DDX60L: variants seen among roughly 807,000 people sequenced by gnomAD.
DDX60L encodes the protein DExD/H-box 60 like.
A neutral mutation model predicts 211.6 loss-of-function variants in DDX60L; 191 were observed. The ratio of observed to expected loss-of-function variants is 0.90; its 90% CI spans 0.80 to 1.02. The LOEUF (loss-of-function observed/expected upper bound fraction) is 1.02. Among genes scored for constraint, DDX60L ranks in the 50% least tolerant of loss-of-function variants. The pLI, the probability that DDX60L is intolerant of heterozygous loss-of-function variation, is 0.00. For missense variants in DDX60L, 2,007 were observed against 1,984.1 expected (o/e 1.01, Z -0.22); for synonymous variants, 706 against 694.1 (o/e 1.02, Z -0.27).
In DDX60L at chr4:168,448,662, A is replaced by G; in HGVS notation, c.1114T>C (p.Tyr372His). ...CCTTGAGTACTTTCAAATTCATAGTAGAAGGCTATATTCTTTAACAATTGC... is the reference window on the plus strand; with the variant it reads ...CCTTGAGTACTTTCAAATTCATAGTGGAAGGCTATATTCTTTAACAATTGC... Reference protein sequence around the residue: ...DEQLLKNIAFYYEFESTQEPH... With the variant: ...DEQLLKNIAFHYEFESTQEPH... The change falls in exon 9 of 38, where the codon TAC becomes CAC. Residue 372 changes from tyrosine (Y) to histidine (H), a missense_variant. By Grantham distance (83) the Tyr-to-His change is moderately conservative. Coordinates refer to ENST00000682922, the MANE Select transcript of DDX60L (RefSeq NM_001012967.3). 1 of 1,571,128 alleles carries G rather than the reference A, an allele frequency of 6.4e-7. No homozygotes were observed. The highest frequency in any genetic ancestry group is 1.1e-5 in the South Asian group (1 of 88,092).
Position 168,373,659 on chromosome 4 carries a change from C to A in DDX60L, c.4776+7G>T, listed in dbSNP as rs759390486. ...CATTTTGTACATAAGATGTATCCTT[C>A]ACTTACCTGGTTGATAGTCTCTGGT... On this transcript the variant is annotated splice_region_variant and intron_variant, in intron 35 of 37. Transcript: ENST00000682922. The A allele has an allele frequency of 6.2e-7, 1 of 1,612,520 alleles. No homozygotes were observed. The highest frequency in any genetic ancestry group is 8.5e-7 in the Non-Finnish European group (1 of 1,178,972).
chr4:168,442,416 G>A (rs372376827), intron 9 of DDX60L, among the ~76,000 whole-genome samples: 34 of 152,242 alleles, frequency 2.2e-4, no homozygotes, highest in African/African-American at 6.7e-4. Flanking sequence ...AGGCGGCAGC[G>A]AGGCTGGGGG....
intron 29 of DDX60L, among the ~76,000 whole-genome samples, chr4:168,386,495 C>T (rs577771933): frequency 7.9e-5 from 12 of 151,098 alleles, no homozygotes; most frequent in East Asian, 3.9e-4. Context: ...TAGTTTTAGG[C>T]GGTCTTCATA....
chr4:168,362,443 G>A (rs1266850931), intron 36 of DDX60L, among the ~76,000 whole-genome samples: 1 of 152,182 alleles, frequency 6.6e-6, no homozygotes, highest in Admixed American at 6.5e-5. Flanking sequence ...CAGCTGGCTG[G>A]CTCACTGCAC....
chr4:168,463,176 T>C lies in DDX60L; in HGVS notation c.265-1136A>G, dbSNP rs560985206. On this transcript the variant is annotated intron_variant, in intron 4 of 37. Coordinates refer to ENST00000682922, the MANE Select transcript of DDX60L (RefSeq NM_001012967.3). ...TAAATCATTCCATCATAAAGACACA[T>C]GCACGCATATGTTCACCGCAGCACT... 4.8e-4 allele frequency among the ~76,000 whole-genome samples: 73 copies of C among 152,310 alleles called. No homozygotes were observed. In the South Asian group the frequency reaches 9.1e-3, roughly 19 times the overall value.
intron 29 of DDX60L, among the ~76,000 whole-genome samples, chr4:168,388,038 C>T (rs3857034): frequency 0.92 from 140,022 of 152,230 alleles, 65,524 homozygotes; most frequent in East Asian, 1. Context: ...CATAGATGGA[C>T]GCACATTGTA....
intron 8 of DDX60L, among the ~76,000 whole-genome samples, chr4:168,449,666 G>A (rs2465255): frequency 0.55 from 10,457 of 18,858 alleles, 1,994 homozygotes; most frequent in Middle Eastern, 0.68. Flanking sequence ...AAAAAAAAAA[G>A]AAAAAAGAAA....
chr4:168,356,925 A>G lies in DDX60L; in HGVS notation c.*1222T>C, dbSNP rs1472959153. ...AATAGCTTTAAGAATTATATTCTCT[A>G]ATTTTTAAATCACTTGCAGTTTAAG... On this transcript the variant is annotated 3_prime_UTR_variant, in exon 38 of 38. Transcript: ENST00000682922. 1 of 152,202 alleles carries G rather than the reference A, an allele frequency of 6.6e-6. No individual in the cohort carries two copies. The allele number at this position is 152,202 out of a possible 1,614,324, so 9.4% of individuals were successfully genotyped here. A position where few individuals can be genotyped will look rare whatever the true frequency, so the allele number is the denominator to read the frequency against.
At chr4:168,472,660 C>T (rs368246459) in intron 2 of DDX60L, 36 bp downstream of exon 2, 1 of 1,612,296 alleles carries the variant, frequency 6.2e-7, no homozygotes, top group Non-Finnish European at 8.5e-7. Flanking sequence ...AAGATTGTTG[C>T]TTTATAGGCT....
intron 9 of DDX60L, among the ~76,000 whole-genome samples, chr4:168,446,128 A>T (rs1368561223): frequency 6.6e-6 from 1 of 150,554 alleles, no homozygotes; most frequent in Admixed American, 6.6e-5. Flanking sequence ...TATCTAGAAA[A>T]CCCCATTGTC....
chr4:168,379,168 A>G (rs981865235), intron 32 of DDX60L, among the ~76,000 whole-genome samples, 195 bp downstream of exon 32: 3 of 152,228 alleles, frequency 2.0e-5, no homozygotes, highest in Admixed American at 1.3e-4. Context: ...TAGCCCTCAA[A>G]TACTCTTTAT....
rs766596750 is a variant in DDX60L at position 168,432,403 on chromosome 4, G to A, written c.1516+52C>T. 1.3e-5 allele frequency: 12 copies of A among 951,084 alleles called. No homozygotes were observed. In the Admixed American group the frequency reaches 1.5e-4, roughly 12 times the overall value. The allele number at this position is 951,084 out of a possible 1,614,324, so 58.9% of individuals were successfully genotyped here. A position where few individuals can be genotyped will look rare whatever the true frequency, so the allele number is the denominator to read the frequency against. ...TATCTTTTCACTGTTAATAAAAAGAGCAGCAAAGGCAATTCATATAAGCTC... is the reference window on the plus strand; with the variant it reads ...TATCTTTTCACTGTTAATAAAAAGAACAGCAAAGGCAATTCATATAAGCTC... On this transcript the variant is annotated intron_variant, in intron 12 of 37. Transcript: ENST00000682922.
chr4:168,386,771 A>C (rs1440924590), intron 29 of DDX60L, among the ~76,000 whole-genome samples: 1 of 152,188 alleles, frequency 6.6e-6, no homozygotes, highest in Non-Finnish European at 1.5e-5. Context: ...CGTGGTAGAC[A>C]ACCCATGCGA....
chr4:168,363,995 C>G (rs1739531058), intron 36 of DDX60L, among the ~76,000 whole-genome samples: 1 of 152,090 alleles, frequency 6.6e-6, no homozygotes, highest in Non-Finnish European at 1.5e-5. Flanking sequence ...TGGTGTGCAC[C>G]TGTAGTCCTA....
chr4:168,425,743 T>C (rs1751352028), intron 14 of DDX60L, among the ~76,000 whole-genome samples: 1 of 152,034 alleles, frequency 6.6e-6, no homozygotes, highest in African/African-American at 2.4e-5. Context: ...CACTCCAGCC[T>C]GGGTGACAGT....
chr4:168,460,525 G>A (rs1391243031), intron 5 of DDX60L, among the ~76,000 whole-genome samples: 3 of 152,042 alleles, frequency 2.0e-5, no homozygotes, highest in Admixed American at 6.6e-5. Flanking sequence ...GACACCCTAC[G>A]GCTAAATATA....
intron 37 of DDX60L, among the ~76,000 whole-genome samples, chr4:168,359,282 T>C (rs998231832): frequency 2.6e-5 from 4 of 152,214 alleles, no homozygotes; most frequent in African/African-American, 9.7e-5. Context: ...GACATATTAT[T>C]CTATTGACTG....
chr4:168,441,282 A>G (rs1267391116), intron 10 of DDX60L, 55 bp downstream of exon 10: 1 of 1,475,436 alleles, frequency 6.8e-7, no homozygotes, highest in African/African-American at 1.4e-5. Flanking sequence ...AGGGCTTCTA[A>G]AAGTTGTTCA....
Position 168,447,543 on chromosome 4 carries a change from A to G in DDX60L, c.1138+1095T>C, listed in dbSNP as rs1442262558. 2.0e-5 allele frequency among the ~76,000 whole-genome samples: 3 copies of G among 152,238 alleles called. No individual in the cohort carries two copies. The East Asian group carries it at 5.8e-4, about 29-fold the overall frequency. ...CATCCCATTACTGGGTATATACCCA[A>G]AGGACTATAAATCATGCTGCTATAA... On this transcript the variant is annotated intron_variant, in intron 9 of 37. Coordinates refer to ENST00000682922, the MANE Select transcript of DDX60L (RefSeq NM_001012967.3).
Sources: gnomAD v4.1 joint callset for allele counts (sites outside exome capture counted in the v4.1 genomes callset) on GRCh38, gnomAD v4.1.1 for gene constraint, MANE v1.5 for transcripts, NCBI Gene and HGNC (gene_info 2026-07-23, HGNC 2026-07-21) for gene names.